Variants in CELF2 observed in about 807,000 individuals in gnomAD.
The protein encoded by CELF2 is CUG triplet repeat RNA-binding protein 2.
In CELF2, 8 loss-of-function variants were observed where a neutral mutation model predicts 62.6. The ratio of observed to expected loss-of-function variants is 0.13; its 90% CI spans 0.07 to 0.23. The LOEUF (loss-of-function observed/expected upper bound fraction) is 0.23, where lower values mean the gene tolerates loss of function less well. Ranked by LOEUF, CELF2 falls within the 10% of genes least tolerant of loss-of-function variation. The pLI, the probability that CELF2 is intolerant of heterozygous loss-of-function variation, is 1.00. For synonymous variants in CELF2, 258 were observed against 250.0 expected (o/e 1.03, Z -0.30); for missense variants, 333 against 671.0 (o/e 0.50, Z 5.56).
At chr10:10,590,326 A>T in the CELF2 span, among the ~76,000 whole-genome samples, 1 of 152,214 alleles carries the variant, frequency 6.6e-6, no homozygotes, top group Non-Finnish European at 1.5e-5. Context: ...TATTTTAGCC[A>T]TTATTTTTTA....
intron 1 of CELF2, among the ~76,000 whole-genome samples, chr10:10,905,432 G>C (rs1195067174): frequency 6.6e-6 from 1 of 152,118 alleles, no homozygotes; most frequent in African/African-American, 2.4e-5. Context: ...GTCTAAGTTT[G>C]ATAAATTACT....
chr10:11,072,551 G>A (rs988794295), intron 1 of CELF2, among the ~76,000 whole-genome samples: 3 of 152,148 alleles, frequency 2.0e-5, no homozygotes, highest in Non-Finnish European at 4.4e-5. Context: ...CAGCCTCTTT[G>A]AGCATAAGAG....
chr10:11,097,842 C>G (rs913709631), intron 1 of CELF2, among the ~76,000 whole-genome samples: 9 of 152,224 alleles, frequency 5.9e-5, no homozygotes, highest in African/African-American at 2.2e-4. Context: ...ATCATCACCC[C>G]CGATCAGGGA....
At chr10:10,508,139 G>T in the CELF2 span, among the ~76,000 whole-genome samples, 7 of 148,930 alleles carry the variant, frequency 4.7e-5, no homozygotes, top group Non-Finnish European at 8.9e-5. Context: ...CTCCTGGGAG[G>T]TGTCTGTGCT....
At chr10:10,506,902 T>C in the CELF2 span, among the ~76,000 whole-genome samples, 2 of 151,774 alleles carry the variant, frequency 1.3e-5, no homozygotes, top group African/African-American at 4.8e-5. Flanking sequence ...TGACCTAAAG[T>C]GATCCACCTG....
At chr10:11,299,516 G>A (rs145716702) in intron 9 of CELF2, among the ~76,000 whole-genome samples, 1 of 152,318 alleles carries the variant, frequency 6.6e-6, no homozygotes, top group African/African-American at 2.4e-5. Context: ...GGTGACATGG[G>A]CCTGCTTTCC....
rs60374183 is a variant in CELF2, at chr10:11,156,167, T to G, written c.75-9319T>G. Among the ~76,000 whole-genome samples, 16,315 of 152,150 alleles carry G rather than the reference T, an allele frequency of 0.11. 1,045 individuals carry two copies. The highest frequency in any genetic ancestry group is 0.17 in the African/African-American group (7,203 of 41,484). ...AGGACAGTGGCTGTTCAGGGACAAG[T>G]GGACCCAGCGGGCATTTGGAGAAAA... On this transcript the variant is annotated intron_variant, in intron 1 of 12. Coordinates refer to ENST00000633077, the MANE Select transcript of CELF2 (RefSeq NM_001326342.2). This position sits in a 1 kb window ranked among gnomAD's most constrained non-coding sequence, Gnocchi z 4.3.
chr10:10,843,842 A>G (rs1209964228), intron 1 of CELF2, among the ~76,000 whole-genome samples: 1 of 152,046 alleles, frequency 6.6e-6, no homozygotes, highest in Non-Finnish European at 1.5e-5. Context: ...GTCTTTTTGC[A>G]GATTATGAAA....
chr10:10,927,604 T>C (rs778890055), intron 2 of CELF2, among the ~76,000 whole-genome samples: 40 of 152,044 alleles, frequency 2.6e-4, no homozygotes, highest in Non-Finnish European at 1.2e-4. Context: ...ATTTTGAACA[T>C]TTTTTGTGGA....
the CELF2 span, among the ~76,000 whole-genome samples, chr10:10,679,075 A>C: frequency 1.3e-5 from 2 of 152,166 alleles, no homozygotes; most frequent in African/African-American, 4.8e-5. Flanking sequence ...AGTTTTGTTT[A>C]TCTCCACCCC....
chr10:10,891,901 A>T (rs2062172742), intron 1 of CELF2, among the ~76,000 whole-genome samples: 1 of 152,218 alleles, frequency 6.6e-6, no homozygotes, highest in Non-Finnish European at 1.5e-5. Context: ...AGGAGCAAAT[A>T]GCACAGTATA....
intron 11 of CELF2, among the ~76,000 whole-genome samples, chr10:11,323,012 G>A (rs1001488906): frequency 6.6e-6 from 1 of 152,114 alleles, no homozygotes; most frequent in African/African-American, 2.4e-5. Context: ...CTCCACTACA[G>A]AGCAGGGCCT....
At chr10:10,998,958 G>A (rs1044118526) in intron 2 of CELF2, among the ~76,000 whole-genome samples, 4 of 152,154 alleles carry the variant, frequency 2.6e-5, no homozygotes, top group African/African-American at 9.7e-5. Context: ...GGAAAGTAAT[G>A]AAGGTAATAT....
chr10:11,122,823 C>T (rs1192333877), intron 1 of CELF2, among the ~76,000 whole-genome samples: 1 of 152,166 alleles, frequency 6.6e-6, no homozygotes, highest in Admixed American at 6.5e-5. Flanking sequence ...AAATTATTTT[C>T]AAGTTTGCAA....
In CELF2 at chr10:11,037,597, A is replaced by AC. The variant is rs1245120935; in HGVS notation, c.74+19435dup. Among the ~76,000 whole-genome samples, 3 of 152,200 alleles carry AC rather than the reference A, an allele frequency of 2.0e-5. No homozygotes were observed. The East Asian group carries it at 5.8e-4, about 29-fold the overall frequency. On this transcript the variant is annotated intron_variant, in intron 1 of 12. Coordinates refer to ENST00000633077, the MANE Select transcript of CELF2 (RefSeq NM_001326342.2). ...CACGTGCTGAATGCTCAAGCTGGCC[A>AC]CAGCCCCATGTCAACAGTTTATTAA...
At chr10:11,258,006 C>T (rs1196234393) in intron 5 of CELF2, 134 bp downstream of exon 5, 15 of 1,024,758 alleles carry the variant, frequency 1.5e-5, no homozygotes, top group Non-Finnish European at 2.1e-5. Flanking sequence ...AGTTATCCAA[C>T]CTGAACTTTT....
In CELF2 at chr10:11,329,290, T is replaced by C. The variant is rs1039686860; in HGVS notation, c.*237T>C. On this transcript the variant is annotated 3_prime_UTR_variant, in exon 13 of 13. Coordinates refer to ENST00000633077, the MANE Select transcript of CELF2 (RefSeq NM_001326342.2). This position sits in a 1 kb window ranked among gnomAD's most constrained non-coding sequence, Gnocchi z 5.5. ...GTAATTCCTCCTCCAGTTGTGCCAC[T>C]GTATTCTCCTTTGTTTTGCGATTTG... 4 of 328,590 alleles carry C rather than the reference T, an allele frequency of 1.2e-5. No individual in the cohort carries two copies. Among genetic ancestry groups the C allele is most frequent in the Non-Finnish European group, 2.2e-5 (4 of 181,902 alleles). 20.4% of individuals were successfully genotyped at this position (328,590 alleles called of 1,614,324 possible).
At chr10:10,608,719 A>G in the CELF2 span, among the ~76,000 whole-genome samples, 207 of 152,290 alleles carry the variant, frequency 1.4e-3, 1 homozygote, top group African/African-American at 4.7e-3. Context: ...CAGCCCAGCC[A>G]CTGAGACCAA....
rs866382660 is a variant in CELF2 at position 10,881,244 on chromosome 10, T to G, written c.54-38720T>G. Reference sequence around the variant, plus strand: ...CACTGGAATAAATTTACATACATTTTCAGAACTGGTGCATGGATGGTATAT... The same window carrying G: ...CACTGGAATAAATTTACATACATTTGCAGAACTGGTGCATGGATGGTATAT... On this transcript the variant is annotated intron_variant, in intron 1 of 13. Transcript: ENST00000636488. Among the ~76,000 whole-genome samples the G allele has an allele frequency of 2.0e-5, 3 of 152,336 alleles. No individual in the cohort carries two copies. In the Middle Eastern group the frequency reaches 0.01, roughly 518 times the overall value.
Sources: allele counts gnomAD v4.1 joint callset (sites outside exome capture counted in the v4.1 genomes callset), GRCh38; gene constraint gnomAD v4.1.1; non-coding constraint Gnocchi (gnomAD v3.1); transcripts MANE v1.5; gene names NCBI Gene and HGNC (gene_info 2026-07-23, HGNC 2026-07-21).